PKIG: variants seen among roughly 807,000 people sequenced by gnomAD.
PKIG encodes protein kinase (cAMP-dependent, catalytic) inhibitor gamma.
PKIG carries 1 observed loss-of-function variant against 6.8 expected under a neutral mutation model. The ratio of observed to expected loss-of-function variants is 0.15; its 90% CI spans 0.05 to 0.69. The LOEUF (loss-of-function observed/expected upper bound fraction) is 0.69, where lower values mean the gene tolerates loss of function less well. PKIG is among the 30% of genes least tolerant of loss of function. PKIG has a pLI of 0.82. For missense variants in PKIG, 77 were observed against 104.0 expected, an observed-to-expected ratio of 0.74 and a Z score of 1.13; for synonymous variants, 39 against 43.0, an observed-to-expected ratio of 0.91 and a Z score of 0.36.
At chr20:44,591,586 TG>T (rs2065034017) in intron 2 of PKIG, among the ~76,000 whole-genome samples, 1 of 104,216 alleles carries the variant, frequency 9.6e-6, no homozygotes, top group African/African-American at 3.8e-5. Context: ...ATAGACTCCT[TG>T]GGGAGAAAAG....
intron 1 of PKIG, among the ~76,000 whole-genome samples, chr20:44,568,731 G>A (rs2064830712): frequency 6.6e-6 from 1 of 152,068 alleles, no homozygotes; most frequent in Non-Finnish European, 1.5e-5. Context: ...TTACAGTCGT[G>A]AGCCACTGCA....
At chr20:44,567,414 C>T (rs1361992907) in intron 1 of PKIG, among the ~76,000 whole-genome samples, 2 of 152,208 alleles carry the variant, frequency 1.3e-5, no homozygotes, top group South Asian at 2.1e-4. Context: ...CTTTTGGAAT[C>T]CTGCTTCATT....
intron 2 of PKIG, among the ~76,000 whole-genome samples, chr20:44,606,050 T>A (rs1416855549): frequency 6.6e-6 from 1 of 152,162 alleles, no homozygotes; most frequent in African/African-American, 2.4e-5. Context: ...AAAATATGTA[T>A]GTGGGGAGAA....
At chr20:44,538,602 A>G (rs1431835582) in intron 1 of PKIG, among the ~76,000 whole-genome samples, 1 of 152,162 alleles carries the variant, frequency 6.6e-6, no homozygotes, top group African/African-American at 2.4e-5. Context: ...CCTAGTCATC[A>G]TATTTCATCC....
At chr20:44,582,854 A>G (rs892854081) in intron 1 of PKIG, 123 bp downstream of exon 1, 12 of 152,318 alleles carry the variant, frequency 7.9e-5, no homozygotes, top group African/African-American at 2.9e-4. Context: ...ATTTTTATAT[A>G]ATGATATATG....
At chr20:44,591,694 T>C (rs916797547) in intron 2 of PKIG, among the ~76,000 whole-genome samples, 1 of 152,202 alleles carries the variant, frequency 6.6e-6, no homozygotes, top group African/African-American at 2.4e-5. Flanking sequence ...GAGCTTCAGC[T>C]TCCTTATCTA....
At chr20:44,581,732 C>T (rs1342844969), upstream of PKIG, among the ~76,000 whole-genome samples, 2 of 152,154 alleles carry the variant, frequency 1.3e-5, no homozygotes, top group East Asian at 1.9e-4. Flanking sequence ...TGTTCATCTC[C>T]TTCATAAAGG....
upstream of PKIG, chr20:44,582,508 G>T (rs2064957014): frequency 6.6e-6 from 1 of 152,356 alleles, no homozygotes; most frequent in Non-Finnish European, 1.5e-5. Flanking sequence ...CTGAGCATTG[G>T]ATTACAACAA....
At chr20:44,591,461 G>A (rs2065032765) in intron 2 of PKIG, among the ~76,000 whole-genome samples, 1 of 152,234 alleles carries the variant, frequency 6.6e-6, no homozygotes, top group South Asian at 2.1e-4. Flanking sequence ...AAGGGACTGA[G>A]AGAGTTCCGC....
chr20:44,584,407 C>T (rs1018359425), intron 1 of PKIG, among the ~76,000 whole-genome samples: 2 of 151,686 alleles, frequency 1.3e-5, no homozygotes, highest in Non-Finnish European at 2.9e-5. Flanking sequence ...GGGGGAAAAT[C>T]CCTCTATTTG....
chr20:44,592,195 A>G (rs1241003431), intron 2 of PKIG, among the ~76,000 whole-genome samples: 1 of 152,192 alleles, frequency 6.6e-6, no homozygotes, highest in Non-Finnish European at 1.5e-5. Context: ...ACCGAGACTC[A>G]AAGAGGTGGA....
intron 2 of PKIG, among the ~76,000 whole-genome samples, chr20:44,597,913 T>C (rs2065088624): frequency 6.6e-6 from 1 of 152,256 alleles, no homozygotes; most frequent in South Asian, 2.1e-4. Context: ...GCTTCAGTTA[T>C]CCACTTCTGC....
chr20:44,551,944 T>A (rs2064672477), intron 1 of PKIG, among the ~76,000 whole-genome samples: 2 of 152,222 alleles, frequency 1.3e-5, no homozygotes. Flanking sequence ...TTTTATTTAT[T>A]TAACCATTAA....
chr20:44,601,721 C>T (rs2065122848), intron 2 of PKIG, among the ~76,000 whole-genome samples: 1 of 152,134 alleles, frequency 6.6e-6, no homozygotes, highest in Admixed American at 6.5e-5. Context: ...TTCATGTCTT[C>T]TGCAAAAGTC....
At chr20:44,547,766 T>G (rs1268435383) in intron 1 of PKIG, among the ~76,000 whole-genome samples, 3 of 152,138 alleles carry the variant, frequency 2.0e-5, no homozygotes, top group Non-Finnish European at 4.4e-5. Context: ...GGGGCGCGGT[T>G]GCTCATTCCT....
intron 2 of PKIG, among the ~76,000 whole-genome samples, chr20:44,591,113 G>A (rs2065029723): frequency 6.6e-6 from 1 of 152,218 alleles, no homozygotes; most frequent in African/African-American, 2.4e-5. Context: ...TAGGTCCAGA[G>A]GGCTAGTGGG....
At chr20:44,558,973 T>G (rs1410704131) in intron 1 of PKIG, among the ~76,000 whole-genome samples, 2 of 152,162 alleles carry the variant, frequency 1.3e-5, no homozygotes, top group African/African-American at 4.8e-5. Flanking sequence ...ATGTCATTCC[T>G]TATCACTTAT....
chr20:44,552,815 G>A (rs1038691629), intron 1 of PKIG, among the ~76,000 whole-genome samples: 2 of 152,134 alleles, frequency 1.3e-5, no homozygotes, highest in Admixed American at 6.6e-5. Context: ...ACTTGAGTGG[G>A]CAGTGGAAGC....
At chr20:44,554,027 T>G (rs895490984) in intron 1 of PKIG, among the ~76,000 whole-genome samples, 1 of 152,076 alleles carries the variant, frequency 6.6e-6, no homozygotes, top group Non-Finnish European at 1.5e-5. Flanking sequence ...TCAGAGAAGC[T>G]AACAGTGACA....
Sources: gnomAD v4.1 joint callset for allele counts (sites outside exome capture counted in the v4.1 genomes callset) on GRCh38, gnomAD v4.1.1 for gene constraint, MANE v1.5 for transcripts, NCBI Gene and HGNC (gene_info 2026-07-23, HGNC 2026-07-21) for gene names.